ANK1: variants seen among roughly 807,000 people sequenced by gnomAD.
ANK1 encodes ankyrin-1.
In ANK1, 51 loss-of-function variants were observed where a neutral mutation model predicts 210.4. The ratio of observed to expected loss-of-function variants is 0.24; its 90% CI spans 0.19 to 0.31. The LOEUF is 0.31. Among genes scored for constraint, ANK1 ranks in the 10% least tolerant of loss-of-function variants. The pLI is 1.00. For missense variants in ANK1, 2,051 were observed against 2,504.4 expected, an observed-to-expected ratio of 0.82 and a Z score of 3.86; for synonymous variants, 967 against 1,025.9, an observed-to-expected ratio of 0.94 and a Z score of 1.10.
chr8:41,885,144 G>C (rs1263852896), intron 1 of ANK1, among the ~76,000 whole-genome samples: 1 of 152,176 alleles, frequency 6.6e-6, no homozygotes, highest in Admixed American at 6.5e-5. Flanking sequence ...ATGCAATGGA[G>C]ACTCCAGCAG....
chr8:41,668,223 T>C (rs573147919), intron 39 of ANK1, 44 bp downstream of exon 39: 4 of 1,613,152 alleles, frequency 2.5e-6, no homozygotes, highest in Non-Finnish European at 3.4e-6. Flanking sequence ...CCCCTTCCGA[T>C]GCTGGGAAGG....
Position 41,719,771 on chromosome 8 carries a change from C to A in ANK1, c.997G>T (p.Asp333Tyr), listed in dbSNP as rs147608206. ...GGGGTCAGGTGGTCCAGGGTGATGT[C>A]GTCTATCTCTGCGTCGTATTGCAAC... ...LLLQYDAEID[D>Y]ITLDHLTPLH... Residue 333 changes from aspartate (D) to tyrosine (Y), a missense_variant, in exon 10 of 43, where the codon GAC becomes TAC. Physicochemically the swap from Asp to Tyr is radical, Grantham distance 160 (BLOSUM62 -3). This residue lies in a region of ANK1 where 1,413 missense variants were observed against 1,707.4 expected (regional missense o/e 0.83). Transcript: ENST00000289734. The A allele has an allele frequency of 6.2e-7, 1 of 1,614,154 alleles. No individual in the cohort carries two copies.
chr8:41,786,937 C>T (rs560124649), intron 1 of ANK1, among the ~76,000 whole-genome samples: 3 of 152,322 alleles, frequency 2.0e-5, no homozygotes, highest in South Asian at 2.1e-4. Context: ...TTCCCTTCAA[C>T]GAATCACTCA....
chr8:41,888,322 C>T (rs557267434), intron 1 of ANK1, among the ~76,000 whole-genome samples: 2 of 152,344 alleles, frequency 1.3e-5, no homozygotes, highest in African/African-American at 2.4e-5. Context: ...TAGGTACACA[C>T]GTATACACAC....
At chr8:41,771,320 G>T (rs541392787) in intron 1 of ANK1, among the ~76,000 whole-genome samples, 2 of 152,192 alleles carry the variant, frequency 1.3e-5, no homozygotes, top group South Asian at 4.2e-4. Context: ...ACTTGGAAGG[G>T]TCTCTTTGGG....
intron 1 of ANK1, among the ~76,000 whole-genome samples, chr8:41,862,548 T>C (rs1813475079): frequency 6.6e-6 from 1 of 151,394 alleles, no homozygotes; most frequent in Non-Finnish European, 1.5e-5. Context: ...AAATATTTTA[T>C]ACCCAATTTT....
intron 1 of ANK1, among the ~76,000 whole-genome samples, chr8:41,819,146 C>T (rs1001725945): frequency 2.0e-5 from 3 of 152,252 alleles, no homozygotes; most frequent in Non-Finnish European, 4.4e-5. Context: ...CCCCTCTCCA[C>T]AGCAGAGAGC....
At chr8:41,684,779 A>G in intron 36 of ANK1, 89 bp from the exon 37 acceptor site, 2 of 1,514,144 alleles carry the variant, frequency 1.3e-6, no homozygotes, top group Non-Finnish European at 9.1e-7. Flanking sequence ...ATGAAGATGG[A>G]GAAAGGAGAT....
intron 2 of ANK1, among the ~76,000 whole-genome samples, chr8:41,752,807 C>CA (rs1554596985): frequency 6.6e-6 from 1 of 151,678 alleles, no homozygotes; most frequent in East Asian, 1.9e-4. Flanking sequence ...GGCCCCCCCC[C>CA]ACTGCACCGC....
In ANK1 at chr8:41,706,251, A is replaced by G. The variant is rs1195965717; in HGVS notation, c.1999-10T>C. ...GGGGAGTGAGTCCGCTCTGCAAAGA[A>G]AAAGACGTTCATCACCTTCTATCAA... On this transcript the variant is annotated splice_polypyrimidine_tract_variant and intron_variant, in intron 17 of 42. Coordinates refer to ENST00000289734, the MANE Select transcript of ANK1 (RefSeq NM_000037.4). 3.1e-6 allele frequency: 5 copies of G among 1,612,530 alleles called. No individual in the cohort carries two copies. Among genetic ancestry groups the G allele is most frequent in the Non-Finnish European group, 4.2e-6 (5 of 1,179,020 alleles).
At chr8:41,698,162 C>T (rs757164481) in intron 23 of ANK1, 41 bp from the exon 24 acceptor site, 28 of 1,594,006 alleles carry the variant, frequency 1.8e-5, no homozygotes, top group Non-Finnish European at 2.4e-5. Flanking sequence ...GGCTGATCCA[C>T]ATGTGCACAC....
chr8:41,827,716 AC>A (rs1805652567), intron 1 of ANK1, among the ~76,000 whole-genome samples: 3 of 127,584 alleles, frequency 2.4e-5, no homozygotes, highest in Non-Finnish European at 3.3e-5. Context: ...ACGCACACCC[AC>A]TCACACTCAC....
At chr8:41,755,351 A>C (rs1242019960) in intron 2 of ANK1, among the ~76,000 whole-genome samples, 5 of 152,212 alleles carry the variant, frequency 3.3e-5, no homozygotes, top group African/African-American at 4.8e-5. Flanking sequence ...TCACACAGAA[A>C]ATGAGCCCTG....
intron 1 of ANK1, among the ~76,000 whole-genome samples, chr8:41,875,644 G>T (rs1333827335): frequency 1.3e-5 from 2 of 152,208 alleles, no homozygotes; most frequent in Admixed American, 6.5e-5. Context: ...CGTGAGTGAT[G>T]ATGGAATGAA....
upstream of ANK1, among the ~76,000 whole-genome samples, chr8:41,801,637 T>G (rs923939193): frequency 1.5e-4 from 23 of 152,222 alleles, no homozygotes; most frequent in African/African-American, 5.1e-4. Flanking sequence ...TCTTTTCACA[T>G]GTTTATGGGC....
chr8:41,701,134 G>A (rs1052263172), intron 22 of ANK1, among the ~76,000 whole-genome samples: 2 of 152,184 alleles, frequency 1.3e-5, no homozygotes, highest in African/African-American at 2.4e-5. Context: ...GTGGTCAGAA[G>A]TGCAGCTTAA....
chr8:41,890,461 C>T (rs1385662326), intron 1 of ANK1, among the ~76,000 whole-genome samples: 1 of 152,234 alleles, frequency 6.6e-6, no homozygotes, highest in African/African-American at 2.4e-5. Flanking sequence ...GTAATCCCAG[C>T]ACTTTGGGAG....
Position 41,694,657 on chromosome 8 carries a change from C to T in ANK1, c.3262G>A (p.Val1088Met), listed in dbSNP as rs756842596. The part of the protein sequence containing the change: ...PEGGSLKSKL[V>M]PLVQATFPEN... Reference sequence around the variant, plus strand: ...GGGAACGTTGCCTGTACCAGGGGCACCAGCTTGCTCTTCAGGGAGCCCCCT... The same window carrying T: ...GGGAACGTTGCCTGTACCAGGGGCATCAGCTTGCTCTTCAGGGAGCCCCCT... Residue 1088 changes from valine (V) to methionine (M), a missense_variant, in exon 28 of 43, where the codon GTG becomes ATG. Around this residue, in one of 6 missense-constraint regions of ANK1, gnomAD observed 1,413 missense variants for 1,707.4 expected, o/e 0.83. Coordinates refer to ENST00000289734, the MANE Select transcript of ANK1 (RefSeq NM_000037.4). The surrounding 1 kb of genome is among the most constrained non-coding windows in gnomAD (Gnocchi z 5.7). 1 of 1,614,010 alleles carries T rather than the reference C, an allele frequency of 6.2e-7. No homozygotes were observed.
rs1273511013 is a variant in ANK1, at chr8:41,817,545, G to A, written c.127-59408C>T. The stretch of plus-strand genomic sequence containing the variant: ...TGTCAAGGTGCTGACCCATCCATCC[G>A]ATCTTCAGTTTGCTCCTTTATATCA... On this transcript the variant is annotated intron_variant, in intron 1 of 42. Coordinates refer to the ANK1 transcript ENST00000265709. Among the ~76,000 whole-genome samples the A allele has an allele frequency of 2.0e-5, 3 of 152,270 alleles. 1 individual carries two copies. The South Asian group carries it at 6.2e-4, about 32-fold the overall frequency.
Sources: gnomAD v4.1 joint callset for allele counts (sites outside exome capture counted in the v4.1 genomes callset) on GRCh38, gnomAD v4.1.1 for gene constraint, gnomAD v4.1.1 regional missense constraint, Gnocchi (gnomAD v3.1) non-coding constraint, MANE v1.5 for transcripts, NCBI Gene and HGNC (gene_info 2026-07-23, HGNC 2026-07-21) for gene names.